The following PKD2L2 variants were observed in gnomAD, a reference collection of about 807,000 sequenced individuals.
PKD2L2 encodes polycystin-2-like protein 2.
In PKD2L2, 67 loss-of-function variants were observed where a neutral mutation model predicts 83.9. The ratio of observed to expected loss-of-function variants is 0.80; its 90% CI spans 0.66 to 0.98. PKD2L2 has a LOEUF of 0.98. Among genes scored for constraint, PKD2L2 ranks in the 50% least tolerant of loss-of-function variants. The probability of loss-of-function intolerance (pLI) is 0.00; values close to 1 mark genes in which losing one functional copy is unlikely to be tolerated. For missense variants in PKD2L2, 632 were observed against 717.2 expected (o/e 0.88, Z 1.36); for synonymous variants, 223 against 237.8 (o/e 0.94, Z 0.57).
intron 6 of PKD2L2, among the ~76,000 whole-genome samples, chr5:137,906,793 A>G (rs1466349430): frequency 7.9e-5 from 12 of 152,136 alleles, no homozygotes; most frequent in African/African-American, 2.2e-4. Flanking sequence ...GTTTAAAATA[A>G]TCTATGTTGC....
At chr5:137,908,111 T>A (rs2150021886) in intron 7 of PKD2L2, among the ~76,000 whole-genome samples, 199 bp downstream of exon 7, 1 of 152,212 alleles carries the variant, frequency 6.6e-6, no homozygotes, top group South Asian at 2.1e-4. Context: ...CCCAGGAGTT[T>A]GAGACCAGCC....
In PKD2L2 at chr5:137,918,089, A is replaced by T. The variant is rs981862423; in HGVS notation, c.1329-3547A>T. 5.3e-5 allele frequency among the ~76,000 whole-genome samples: 8 copies of T among 152,328 alleles called. No individual in the cohort carries two copies. In the South Asian group the frequency reaches 8.3e-4, roughly 16 times the overall value. ...AAAATAATAAAAATTCAAACCAGAC[A>T]TTTGAATCTAATAATGTGATAATTT... On this transcript the variant is annotated intron_variant, in intron 8 of 14. Transcript: ENST00000508883.
intron 14 of PKD2L2, chr5:137,939,722 T>G: frequency 3.1e-6 from 1 of 325,376 alleles, no homozygotes; most frequent in Non-Finnish European, 4.6e-6. Flanking sequence ...CTCAGTTTGA[T>G]TTTGGTTTTC....
chr5:137,918,448 A>T (rs972358762), intron 8 of PKD2L2, among the ~76,000 whole-genome samples: 1 of 152,204 alleles, frequency 6.6e-6, no homozygotes, highest in African/African-American at 2.4e-5. Context: ...AATGGAGGAG[A>T]TGCAACAATG....
chr5:137,942,049 G>T, intron 14 of PKD2L2: 2 of 1,609,142 alleles, frequency 1.2e-6, no homozygotes, highest in Non-Finnish European at 1.7e-6. Flanking sequence ...TTCAGGCCTA[G>T]AATTGAAATG....
At chr5:137,925,986 A>G in intron 12 of PKD2L2, 57 bp downstream of exon 12, 1 of 884,676 alleles carries the variant, frequency 1.1e-6, no homozygotes, top group South Asian at 1.5e-5. Flanking sequence ...AAATATGCTC[A>G]CAAAAACGCT....
At chr5:137,892,993 C>T (rs1006758421) in intron 3 of PKD2L2, among the ~76,000 whole-genome samples, 36 of 151,944 alleles carry the variant, frequency 2.4e-4, no homozygotes, top group African/African-American at 8.7e-4. Context: ...CCTGTAATCC[C>T]GGGAGGTGGA....
chr5:137,908,286 T>C lies in PKD2L2; in HGVS notation c.1146+374T>C, dbSNP rs184881654. Among the ~76,000 whole-genome samples the C allele has an allele frequency of 2.7e-3, 410 of 151,808 alleles. 4 individuals are homozygous for C. The South Asian group carries it at 0.027, about 10-fold the overall frequency. On this transcript the variant is annotated intron_variant, in intron 7 of 14. Transcript: ENST00000508883. ...ATCCCCCACTGCACTCCAGCCTGGA[T>C]GACAGAAAAAAAAGAAGTTGGCCAG... is the stretch of plus-strand genomic sequence containing the variant.
intron 12 of PKD2L2, among the ~76,000 whole-genome samples, chr5:137,934,684 C>A (rs1006700888): frequency 1.3e-5 from 2 of 152,064 alleles, no homozygotes; most frequent in African/African-American, 4.8e-5. Flanking sequence ...TGGTGGTGCA[C>A]GCCTGTAATC....
intron 5 of PKD2L2, among the ~76,000 whole-genome samples, chr5:137,903,505 GTAACT>G (rs1248324805): frequency 6.6e-6 from 1 of 152,074 alleles, no homozygotes; most frequent in African/African-American, 2.4e-5. Flanking sequence ...ACAAAAATTG[GTAACT>G]TAATAAAGAA....
rs1432293288 is a variant in PKD2L2 at position 137,890,550 on chromosome 5, TC to T, written c.102del (p.Tyr35ThrfsTer5). On this transcript the variant is annotated frameshift_variant, in exon 2 of 15. Coordinates refer to ENST00000508883, the MANE Select transcript of PKD2L2 (RefSeq NM_001300921.2). LOFTEE classifies it high-confidence loss of function. ...EITTTLQELLLYFIFLINLCI... is the reference protein window; with the variant it reads ...EITTTLQELLXYFIFLINLCI... Reference sequence around the variant, plus strand: ...ACAACCACACTTCAGGAATTGTTACTCTACTTTATTTTTTTAATAAACCTAT... The same window carrying T: ...ACAACCACACTTCAGGAATTGTTACTTACTTTATTTTTTTAATAAACCTAT... 1.3e-6 allele frequency: 2 copies of T among 1,541,968 alleles called. No individual in the cohort carries two copies. Among genetic ancestry groups the T allele is most frequent in the African/African-American group, 2.7e-5 (2 of 72,990 alleles).
chr5:137,936,691 G>A (rs1360188377), intron 14 of PKD2L2, among the ~76,000 whole-genome samples: 4 of 152,212 alleles, frequency 2.6e-5, no homozygotes, highest in East Asian at 3.8e-4. Context: ...TCCTGACCTC[G>A]TGATCCACCC....
chr5:137,895,446 T>C (rs1756365049), intron 4 of PKD2L2, among the ~76,000 whole-genome samples: 1 of 138,032 alleles, frequency 7.2e-6, no homozygotes. Context: ...CACTCCAGCC[T>C]GGGCGACAGA....
Position 137,908,861 on chromosome 5 carries a change from T to C in PKD2L2, c.1243T>C (p.Phe415Leu), listed in dbSNP as rs1484496764. ...KDIVGFAIMF[F>L]IIFFAYAQLG... ...CATAGTAGGATTTGCCATCATGTTT[T>C]TTATAATATTCTTTGCTTATGCCCA... The change falls in exon 8 of 15, where the codon TTT (phenylalanine) becomes CTT (leucine). Residue 415 changes from phenylalanine (F) to leucine (L), a missense_variant. By Grantham distance (22) the Phe-to-Leu change is conservative (BLOSUM62 0). Coordinates refer to ENST00000508883, the MANE Select transcript of PKD2L2 (RefSeq NM_001300921.2). 1 of 1,605,518 alleles carries C rather than the reference T, an allele frequency of 6.2e-7. No individual in the cohort carries two copies. Among genetic ancestry groups the C allele is most frequent in the South Asian group, 1.1e-5 (1 of 90,606 alleles).
At chr5:137,914,497 T>G (rs908957668) in intron 8 of PKD2L2, among the ~76,000 whole-genome samples, 2 of 152,234 alleles carry the variant, frequency 1.3e-5, no homozygotes, top group Non-Finnish European at 2.9e-5. Context: ...GTGTGTATCT[T>G]GCAACTTAAT....
At chr5:137,932,018 T>A (rs1759917806) in intron 12 of PKD2L2, among the ~76,000 whole-genome samples, 1 of 152,134 alleles carries the variant, frequency 6.6e-6, no homozygotes, top group Non-Finnish European at 1.5e-5. Context: ...GCCCAGCAAT[T>A]AACAAAATGT....
intron 13 of PKD2L2, 127 bp downstream of exon 13, chr5:137,936,036 T>C (rs984548849): frequency 1.5e-6 from 1 of 673,474 alleles, no homozygotes; most frequent in African/African-American, 1.8e-5. Context: ...TTACTTTCTA[T>C]CCAGTTTTAA....
At chr5:137,938,034 TGGA>T (rs1402902203) in intron 14 of PKD2L2, 14 of 152,162 alleles carry the variant, frequency 9.2e-5, no homozygotes, top group Non-Finnish European at 1.6e-4. Flanking sequence ...ATTATACTGG[TGGA>T]CATATATATC....
At chr5:137,918,345 G>GA (rs770628545) in intron 8 of PKD2L2, among the ~76,000 whole-genome samples, 15 of 152,140 alleles carry the variant, frequency 9.9e-5, no homozygotes, top group South Asian at 4.1e-4. Context: ...CCCAAAAAAG[G>GA]AAAAGAGAAG....
Sources: gnomAD v4.1 joint callset for allele counts (sites outside exome capture counted in the v4.1 genomes callset) on GRCh38, gnomAD v4.1.1 for gene constraint, MANE v1.5 for transcripts, NCBI Gene and HGNC (gene_info 2026-07-23, HGNC 2026-07-21) for gene names.